Variants in COL24A1 observed in about 807,000 individuals in gnomAD.
COL24A1 encodes the protein collagen type XXIV alpha 1 chain, also known as collagen alpha-1(XXIV) chain.
Under a neutral mutation model 253.9 loss-of-function variants are expected in COL24A1, and 224 were observed. The ratio of observed to expected loss-of-function variants is 0.88; its 90% CI spans 0.79 to 0.99. COL24A1 has a LOEUF of 0.99. Ranked by LOEUF, COL24A1 falls within the 50% of genes least tolerant of loss-of-function variation. The probability of loss-of-function intolerance (pLI) is 0.00; values close to 1 mark genes in which losing one functional copy is unlikely to be tolerated. For missense variants in COL24A1, 2,131 were observed against 2,068.5 expected (o/e 1.03, Z -0.59); for synonymous variants, 685 against 673.7 (o/e 1.02, Z -0.26).
intron 5 of COL24A1, 84 bp from the exon 6 acceptor site, chr1:86,092,404 G>A: frequency 1.1e-6 from 1 of 935,632 alleles, no homozygotes; most frequent in East Asian, 2.5e-5. Flanking sequence ...ATTACCAGAT[G>A]TTATATACAT....
At chr1:85,926,013 G>A (rs1392548652) in intron 24 of COL24A1, among the ~76,000 whole-genome samples, 10 of 152,162 alleles carry the variant, frequency 6.6e-5, no homozygotes, top group Non-Finnish European at 1.3e-4. Context: ...AGTGGGCAAA[G>A]GATATGAACA....
chr1:85,787,195 G>GTT (rs201894051), intron 47 of COL24A1, among the ~76,000 whole-genome samples: 1 of 145,618 alleles, frequency 6.9e-6, no homozygotes, highest in Admixed American at 6.9e-5. Context: ...TTATGGCAGA[G>GTT]TTTTTTTTTT....
chr1:86,133,053 T>A (rs1649544664), intron 2 of COL24A1, among the ~76,000 whole-genome samples: 1 of 152,102 alleles, frequency 6.6e-6, no homozygotes, highest in South Asian at 2.1e-4. Flanking sequence ...GTAGTTCTCC[T>A]TGAAGAGGTC....
chr1:86,059,197 C>A (rs779432421), intron 8 of COL24A1, 23 bp from the exon 9 acceptor site: 1 of 1,581,580 alleles, frequency 6.3e-7, no homozygotes, highest in East Asian at 2.3e-5. Flanking sequence ...ATAAAATGAA[C>A]AGTATAGCAA....
chr1:86,084,327 C>A (rs1320490924), intron 7 of COL24A1, among the ~76,000 whole-genome samples: 2 of 152,102 alleles, frequency 1.3e-5, no homozygotes, highest in East Asian at 3.8e-4. Flanking sequence ...AAAGAATAAT[C>A]CCAGATAGCT....
rs567629077 is a variant in COL24A1, at chr1:86,125,769, C to T, written c.567G>A (p.Glu189=). 1.9e-6 allele frequency: 3 copies of T among 1,612,394 alleles called. No homozygotes were observed. Among genetic ancestry groups the T allele is most frequent in the Admixed American group, 1.7e-5 (1 of 59,748 alleles). ...VECGKKYFST[E]TIPEVQTFDS... ...CAAAGGTCTGAACTTCTGGAATAGT[C>T]TCTGTGCTAAAATATTTCTTTCCAC... Residue 189 remains glutamate, a synonymous_variant, in exon 3 of 60, where the codon GAG becomes GAA. Transcript: ENST00000370571.
At chr1:85,856,868 G>A (rs1044632059) in intron 37 of COL24A1, among the ~76,000 whole-genome samples, 1 of 152,010 alleles carries the variant, frequency 6.6e-6, no homozygotes, top group African/African-American at 2.4e-5. Flanking sequence ...TTCATGAGTT[G>A]AGTCTGGAGC....
intron 24 of COL24A1, among the ~76,000 whole-genome samples, chr1:85,943,160 G>A (rs967234238): frequency 9.2e-5 from 14 of 152,294 alleles, no homozygotes; most frequent in Non-Finnish European, 1.8e-4. Flanking sequence ...GAATTCCAGG[G>A]CATGCCAGCT....
chr1:86,148,345 C>A (rs1407948411), intron 1 of COL24A1, among the ~76,000 whole-genome samples: 2 of 151,924 alleles, frequency 1.3e-5, no homozygotes, highest in African/African-American at 4.8e-5. Context: ...CCACCACACC[C>A]GGCTAATTTT....
rs17128185 is a variant in COL24A1 at position 85,744,557 on chromosome 1, G to A, written c.4672+109C>T. 1.0e-2 allele frequency: 8,338 copies of A among 836,474 alleles called. 354 individuals carry two copies. The Admixed American group carries it at 0.13, about 13-fold the overall frequency. The allele number at this position is 836,474 out of a possible 1,614,324, so 51.8% of individuals were successfully genotyped here. On this transcript the variant is annotated intron_variant, in intron 57 of 59. Transcript: ENST00000370571. ...ATGACATTAAAATGGCTTCTGCCAG[G>A]GTTTTATCAAACTAACTATGATTTG...
In COL24A1 at chr1:85,818,076, C is replaced by T. The variant is rs1348789048; in HGVS notation, c.3801G>A (p.Gly1267=). The change falls in exon 46 of 60, where the codon GGG becomes GGA. Residue 1267 remains glycine (G), a synonymous_variant. Coordinates refer to ENST00000370571, the MANE Select transcript of COL24A1 (RefSeq NM_152890.7). ...CAGAAGGACCAGGAGCTCCTTTTTT[C>T]CCCTTATTACCCTAAAGATGGAAAG... ...KGERGSEGNK[G]KKGAPGPSGK... 1 of 1,613,194 alleles carries T rather than the reference C, an allele frequency of 6.2e-7. No homozygotes were observed. The highest frequency in any genetic ancestry group is 1.7e-5 in the Admixed American group (1 of 59,980).
chr1:86,065,749 C>A, intron 7 of COL24A1, among the ~76,000 whole-genome samples: 3 of 115,008 alleles, frequency 2.6e-5, no homozygotes, highest in Admixed American at 1.0e-4. Context: ...AGCAATATAG[C>A]AACCTCTAAA....
chr1:86,134,045 A>C (rs998397938), intron 2 of COL24A1, among the ~76,000 whole-genome samples: 5 of 152,016 alleles, frequency 3.3e-5, no homozygotes, highest in African/African-American at 9.7e-5. Context: ...TTGGTCTATG[A>C]AGAGATTCAA....
At chr1:85,787,676 C>T (rs182394074) in intron 47 of COL24A1, among the ~76,000 whole-genome samples, 5 of 152,246 alleles carry the variant, frequency 3.3e-5, no homozygotes, top group Admixed American at 6.5e-5. Flanking sequence ...TGAACATACG[C>T]GTGCATGTAT....
chr1:86,154,979 A>G (rs1653316858), intron 1 of COL24A1: 1 of 152,486 alleles, frequency 6.6e-6, no homozygotes, highest in African/African-American at 2.4e-5. Flanking sequence ...AGGGATGTTT[A>G]TCGAGAACAG....
At chr1:85,997,595 C>T (rs1416466499) in intron 19 of COL24A1, among the ~76,000 whole-genome samples, 3 of 151,900 alleles carry the variant, frequency 2.0e-5, no homozygotes, top group African/African-American at 7.3e-5. Context: ...CCATCCTGGC[C>T]AACATGGTGA....
intron 2 of COL24A1, among the ~76,000 whole-genome samples, chr1:86,143,672 C>T (rs1651469312): frequency 1.3e-5 from 2 of 151,870 alleles, no homozygotes; most frequent in Admixed American, 1.3e-4. Flanking sequence ...GATGTTAAAA[C>T]CAAAAGAAGG....
chr1:85,994,306 A>G (rs1694562988), intron 19 of COL24A1, among the ~76,000 whole-genome samples: 1 of 151,954 alleles, frequency 6.6e-6, no homozygotes, highest in South Asian at 2.1e-4. Context: ...TTGAATATAT[A>G]GTTTATATTC....
intron 7 of COL24A1, among the ~76,000 whole-genome samples, chr1:86,074,310 C>T (rs189870715): frequency 1.3e-5 from 2 of 152,200 alleles, no homozygotes; most frequent in Non-Finnish European, 2.9e-5. Flanking sequence ...GGTTGCAATC[C>T]TAGTCTCTGG....
Sources: gnomAD v4.1 joint callset for allele counts (sites outside exome capture counted in the v4.1 genomes callset) on GRCh38, gnomAD v4.1.1 for gene constraint, MANE v1.5 for transcripts, NCBI Gene and HGNC (gene_info 2026-07-23, HGNC 2026-07-21) for gene names.